The following TYR variants were observed in gnomAD, a reference collection of about 807,000 sequenced individuals.
TYR encodes tyrosinase, also known as LB24-AB.
Under a neutral mutation model 51.5 loss-of-function variants are expected in TYR, and 58 were observed. The observed-to-expected ratio is 1.13, with a 90% confidence interval of 0.91 to 1.40. TYR has a LOEUF of 1.40. Among genes scored for constraint, TYR ranks in the 40% most tolerant of loss-of-function variants. The pLI, the probability that TYR is intolerant of heterozygous loss-of-function variation, is 0.00. For synonymous variants in TYR, 263 were observed against 235.2 expected (o/e 1.12, Z -1.08); for missense variants, 732 against 647.4 (o/e 1.13, Z -1.42).
At chr11:89,245,103 G>T (rs137977233) in intron 3 of TYR, among the ~76,000 whole-genome samples, 2 of 152,136 alleles carry the variant, frequency 1.3e-5, no homozygotes, top group African/African-American at 4.8e-5. Context: ...TTTTATGACT[G>T]GTGGTTCTGT....
intron 3 of TYR, among the ~76,000 whole-genome samples, chr11:89,257,359 A>G (rs1254945122): frequency 6.6e-6 from 1 of 152,006 alleles, no homozygotes; most frequent in Non-Finnish European, 1.5e-5. Flanking sequence ...ATTTTTTTCA[A>G]ACGAAGATTA....
chr11:89,242,069 T>A (rs894636391), intron 3 of TYR, among the ~76,000 whole-genome samples: 7 of 152,078 alleles, frequency 4.6e-5, no homozygotes, highest in Non-Finnish European at 1.0e-4. Context: ...GTGAAGAGCA[T>A]GGAAAGAGTC....
chr11:89,217,665 G>A (rs77739878), intron 2 of TYR, among the ~76,000 whole-genome samples: 3,073 of 152,250 alleles, frequency 0.02, 119 homozygotes, highest in African/African-American at 0.071. Context: ...GAGTCTCTTC[G>A]TTGTTTTATT....
chr11:89,183,777 A>T (rs1943331916), intron 1 of TYR, among the ~76,000 whole-genome samples: 1 of 152,144 alleles, frequency 6.6e-6, no homozygotes, highest in African/African-American at 2.4e-5. Flanking sequence ...TATAATAATG[A>T]ATATTCAAAC....
chr11:89,220,065 C>T (rs1178175647), intron 2 of TYR, among the ~76,000 whole-genome samples: 2 of 151,916 alleles, frequency 1.3e-5, no homozygotes, highest in East Asian at 3.9e-4. Context: ...GATAATTGGC[C>T]AAAATTCTGA....
At chr11:89,270,791 G>A (rs1944579844) in intron 3 of TYR, among the ~76,000 whole-genome samples, 1 of 151,814 alleles carries the variant, frequency 6.6e-6, no homozygotes, top group Admixed American at 6.6e-5. Flanking sequence ...TATGATTTAT[G>A]AGACTTTATA....
intron 2 of TYR, among the ~76,000 whole-genome samples, chr11:89,210,963 C>T (rs1193431557): frequency 6.6e-6 from 1 of 152,104 alleles, no homozygotes. Flanking sequence ...CTGAAGGAAG[C>T]ACTAAACATG....
At chr11:89,254,526 T>G (rs2135302080) in intron 3 of TYR, among the ~76,000 whole-genome samples, 1 of 151,944 alleles carries the variant, frequency 6.6e-6, no homozygotes, top group Non-Finnish European at 1.5e-5. Flanking sequence ...GTTCAGGCTT[T>G]CTAATTCTTC....
Position 89,253,022 on chromosome 11 carries a change from G to A in TYR, c.1184+25052G>A, listed in dbSNP as rs184889946. Among the ~76,000 whole-genome samples the A allele has an allele frequency of 6.6e-5, 10 of 151,804 alleles. No individual in the cohort carries two copies. In the East Asian group the frequency reaches 1.7e-3, roughly 26 times the overall value. On this transcript the variant is annotated intron_variant, in intron 3 of 4. Transcript: ENST00000263321. ...CCAGGTTAATTTCTCTATATTACAT[G>A]ACTTTATTTCTTCTTTCACATAGCA...
intron 3 of TYR, among the ~76,000 whole-genome samples, chr11:89,270,529 T>TG (rs1044166572): frequency 3.9e-4 from 60 of 152,012 alleles, no homozygotes; most frequent in African/African-American, 1.3e-3. Flanking sequence ...GCTTATTACA[T>TG]GCCAGGCACT....
intron 3 of TYR, among the ~76,000 whole-genome samples, chr11:89,279,939 C>T (rs1939256): frequency 1 from 151,815 of 151,816 alleles, 75,907 homozygotes; most frequent in Middle Eastern, 1. Context: ...ATGATAGATT[C>T]ATATATTTCT....
At chr11:89,263,743 T>C (rs1319488267) in intron 3 of TYR, among the ~76,000 whole-genome samples, 1 of 151,882 alleles carries the variant, frequency 6.6e-6, no homozygotes, top group African/African-American at 2.4e-5. Flanking sequence ...TTCAGTAATA[T>C]CAGAAAGAAT....
intron 3 of TYR, among the ~76,000 whole-genome samples, chr11:89,243,437 C>T (rs1944225285): frequency 6.6e-6 from 1 of 152,094 alleles, no homozygotes; most frequent in African/African-American, 2.4e-5. Flanking sequence ...CTCCACTTCC[C>T]CAAGGTCCTT....
intron 3 of TYR, among the ~76,000 whole-genome samples, chr11:89,254,929 T>C (rs527410578): frequency 6.6e-6 from 1 of 151,934 alleles, no homozygotes; most frequent in South Asian, 2.1e-4. Flanking sequence ...TTGTGCTTTT[T>C]CAGACTTTTT....
intron 2 of TYR, among the ~76,000 whole-genome samples, chr11:89,211,657 C>T (rs533712751): frequency 1.1e-4 from 17 of 152,116 alleles, no homozygotes; most frequent in African/African-American, 3.1e-4. Context: ...ACGTTCTTCT[C>T]GGCACCACAT....
intron 3 of TYR, 88 bp downstream of exon 3, chr11:89,228,058 G>C: frequency 6.6e-7 from 1 of 1,526,704 alleles, no homozygotes; most frequent in South Asian, 1.1e-5. Flanking sequence ...TTAAATAAAA[G>C]CTAAGAAGTT....
At chr11:89,183,710 T>C (rs1041513132) in intron 1 of TYR, among the ~76,000 whole-genome samples, 31 of 152,070 alleles carry the variant, frequency 2.0e-4, no homozygotes, top group African/African-American at 7.5e-4. Flanking sequence ...ATCTGACCTA[T>C]TGTTTGAGTT....
chr11:89,258,400 A>C (rs1944420081), intron 3 of TYR, among the ~76,000 whole-genome samples: 1 of 151,872 alleles, frequency 6.6e-6, no homozygotes, highest in African/African-American at 2.4e-5. Context: ...AAAATAAAGG[A>C]AATCTCTTAT....
chr11:89,216,103 A>G (rs1943828995), intron 2 of TYR, among the ~76,000 whole-genome samples: 1 of 152,178 alleles, frequency 6.6e-6, no homozygotes, highest in Non-Finnish European at 1.5e-5. Flanking sequence ...GAGTGACTTC[A>G]CTTACCAATA....
Sources: gnomAD v4.1 joint callset for allele counts (sites outside exome capture counted in the v4.1 genomes callset) on GRCh38, gnomAD v4.1.1 for gene constraint, MANE v1.5 for transcripts, NCBI Gene and HGNC (gene_info 2026-07-23, HGNC 2026-07-21) for gene names.